The following HS6ST3 variants were observed in gnomAD, a reference collection of about 807,000 sequenced individuals.
HS6ST3 encodes the protein heparan-sulfate 6-O-sulfotransferase 3.
HS6ST3 carries 12 observed loss-of-function variants against 36.7 expected under a neutral mutation model. The observed-to-expected ratio is 0.33, with a 90% CI of 0.21 to 0.53. The LOEUF (loss-of-function observed/expected upper bound fraction) is 0.53. Ranked by LOEUF, HS6ST3 falls within the 20% of genes least tolerant of loss-of-function variation. The pLI is 0.95. For missense variants in HS6ST3, 584 were observed against 640.9 expected (o/e 0.91, Z 0.96); for synonymous variants, 240 against 257.5 (o/e 0.93, Z 0.65).
Position 96,199,302 on chromosome 13 carries a change from A to G in HS6ST3, c.707+107733A>G, listed in dbSNP as rs141622954. Among the ~76,000 whole-genome samples the G allele has an allele frequency of 3.3e-3, 497 of 152,344 alleles. 4 individuals are homozygous for G. The highest frequency in any genetic ancestry group is 0.01 in the African/African-American group (417 of 41,572). On this transcript the variant is annotated intron_variant, in intron 1 of 1. Coordinates refer to ENST00000376705, the MANE Select transcript of HS6ST3 (RefSeq NM_153456.4). ...GGAGTTAAAATAGGGCTTTGGCAACATGCAATTGTATTCTCCGTGTACATT... is the reference window on the plus strand; with the variant it reads ...GGAGTTAAAATAGGGCTTTGGCAACGTGCAATTGTATTCTCCGTGTACATT...
At chr13:96,651,244 A>G (rs2056606089) in intron 1 of HS6ST3, among the ~76,000 whole-genome samples, 1 of 152,068 alleles carries the variant, frequency 6.6e-6, no homozygotes, top group South Asian at 2.1e-4. Context: ...AATCAACATT[A>G]TATGTTCTTA....
At position 96,090,292 on chromosome 13, in the gene HS6ST3, C is replaced by T. The variant is rs1771067527; in HGVS notation, c.-571C>T. On this transcript the variant is annotated 5_prime_UTR_variant, in exon 1 of 2. Transcript: ENST00000376705. ...CAAACTTGCGGCGAGCGCCGTCAGCCCTCGCGGCTCCACAGCCCCGCGACC... is the reference window on the plus strand; with the variant it reads ...CAAACTTGCGGCGAGCGCCGTCAGCTCTCGCGGCTCCACAGCCCCGCGACC... 6.7e-6 allele frequency among the ~76,000 whole-genome samples: 1 copy of T among 150,272 alleles called. No individual in the cohort carries two copies. The highest frequency in any genetic ancestry group is 6.6e-5 in the Admixed American group (1 of 15,080).
At chr13:96,095,976 C>T (rs2053788893) in intron 1 of HS6ST3, among the ~76,000 whole-genome samples, 1 of 151,648 alleles carries the variant, frequency 6.6e-6, no homozygotes, top group African/African-American at 2.4e-5. Context: ...ACCCCTCCAA[C>T]TGTGTCAATT....
At chr13:96,470,011 A>G (rs1463556382) in intron 1 of HS6ST3, among the ~76,000 whole-genome samples, 3 of 152,226 alleles carry the variant, frequency 2.0e-5, no homozygotes, top group Admixed American at 2.0e-4. Context: ...CTTCAAAACC[A>G]ACAAAATAAA....
intron 1 of HS6ST3, among the ~76,000 whole-genome samples, chr13:96,230,249 C>T (rs983889796): frequency 2.0e-5 from 3 of 151,932 alleles, no homozygotes; most frequent in African/African-American, 7.3e-5. Context: ...CAGGATATGG[C>T]AGGGAAACAA....
At chr13:96,185,639 C>T (rs1445700488) in intron 1 of HS6ST3, among the ~76,000 whole-genome samples, 2 of 152,158 alleles carry the variant, frequency 1.3e-5, no homozygotes, top group Non-Finnish European at 2.9e-5. Context: ...GCATTTTCTC[C>T]TGTTATTAAT....
intron 1 of HS6ST3, among the ~76,000 whole-genome samples, chr13:96,123,413 C>T (rs1159369922): frequency 1.3e-5 from 2 of 152,180 alleles, no homozygotes; most frequent in Non-Finnish European, 2.9e-5. Context: ...GTTTTAAATT[C>T]AGTGCTCAAG....
chr13:96,794,679 A>T (rs1594861636), intron 1 of HS6ST3, among the ~76,000 whole-genome samples: 1 of 152,038 alleles, frequency 6.6e-6, no homozygotes, highest in Non-Finnish European at 1.5e-5. Context: ...AACTTGAAAG[A>T]TGAAGAAAGG....
chr13:96,499,933 A>T (rs112849711), intron 1 of HS6ST3, among the ~76,000 whole-genome samples: 3,170 of 152,278 alleles, frequency 0.021, 101 homozygotes, highest in African/African-American at 0.071. Context: ...AGCTTTATTC[A>T]GATATGATTC....
At chr13:96,544,371 G>A (rs1483163427) in intron 1 of HS6ST3, among the ~76,000 whole-genome samples, 2 of 152,200 alleles carry the variant, frequency 1.3e-5, no homozygotes, top group African/African-American at 4.8e-5. Context: ...GCTCATGGTA[G>A]ACATAAGTTA....
intron 1 of HS6ST3, among the ~76,000 whole-genome samples, chr13:96,577,844 G>C (rs1368824231): frequency 6.6e-6 from 1 of 152,202 alleles, no homozygotes; most frequent in Non-Finnish European, 1.5e-5. Context: ...GGAAACAACA[G>C]ATGCTGGAGA....
intron 1 of HS6ST3, among the ~76,000 whole-genome samples, chr13:96,829,283 A>C (rs1038106926): frequency 6.6e-6 from 1 of 151,876 alleles, no homozygotes; most frequent in Non-Finnish European, 1.5e-5. Context: ...AGGGGGTAAG[A>C]GCAACTTCCC....
At chr13:96,143,742 A>G (rs1418244032) in intron 1 of HS6ST3, among the ~76,000 whole-genome samples, 1 of 152,132 alleles carries the variant, frequency 6.6e-6, no homozygotes, top group Non-Finnish European at 1.5e-5. Context: ...AGCTGGTTAC[A>G]CAGTTTGTAG....
chr13:96,142,300 T>C (rs2054035850), intron 1 of HS6ST3, among the ~76,000 whole-genome samples: 1 of 152,212 alleles, frequency 6.6e-6, no homozygotes, highest in South Asian at 2.1e-4. Context: ...TTAAAGGTAA[T>C]TGTACATTTT....
chr13:96,303,853 A>G (rs2054895512), intron 1 of HS6ST3, among the ~76,000 whole-genome samples: 1 of 152,208 alleles, frequency 6.6e-6, no homozygotes, highest in Non-Finnish European at 1.5e-5. Context: ...GCTTAAAAAT[A>G]TGACTTGGGT....
At chr13:96,168,570 G>T (rs1279192997) in intron 1 of HS6ST3, among the ~76,000 whole-genome samples, 2 of 151,802 alleles carry the variant, frequency 1.3e-5, no homozygotes, top group Non-Finnish European at 2.9e-5. Flanking sequence ...GCCAGAAGGT[G>T]GTGTGTACCT....
chr13:96,621,539 G>A (rs938395855), intron 1 of HS6ST3, among the ~76,000 whole-genome samples: 2 of 152,048 alleles, frequency 1.3e-5, no homozygotes, highest in Non-Finnish European at 2.9e-5. Context: ...GTCTCAGGTG[G>A]TATTCTTTAT....
Position 96,124,767 on chromosome 13 carries a change from C to T in HS6ST3, c.707+33198C>T, listed in dbSNP as rs376465145. ...CTCACCACATGTGGCTTGCTACCTG[C>T]TATTAAAGATTCTTGCTTTTGATGA... On this transcript the variant is annotated intron_variant, in intron 1 of 1. Coordinates refer to ENST00000376705, the MANE Select transcript of HS6ST3 (RefSeq NM_153456.4). Among the ~76,000 whole-genome samples, 48 of 152,304 alleles carry T rather than the reference C, an allele frequency of 3.2e-4. 3 individuals carry two copies. The East Asian group carries it at 4.2e-3, about 13-fold the overall frequency.
chr13:96,795,409 T>C (rs1263850959), intron 1 of HS6ST3, among the ~76,000 whole-genome samples: 3 of 152,076 alleles, frequency 2.0e-5, no homozygotes, highest in Non-Finnish European at 4.4e-5. Context: ...TTTCATCATA[T>C]GGATGAGAGG....
Sources: gnomAD v4.1 joint callset for allele counts (sites outside exome capture counted in the v4.1 genomes callset) on GRCh38, gnomAD v4.1.1 for gene constraint, MANE v1.5 for transcripts, NCBI Gene and HGNC (gene_info 2026-07-23, HGNC 2026-07-21) for gene names.